Variants in LGMN observed in about 807,000 individuals in gnomAD.
LGMN encodes the protein legumain.
In LGMN, 36 loss-of-function variants were observed where a neutral mutation model predicts 56.8. The observed-to-expected ratio is 0.63, with a 90% confidence interval of 0.49 to 0.84. The LOEUF (loss-of-function observed/expected upper bound fraction) is 0.84. Ranked by LOEUF, LGMN falls within the 40% of genes least tolerant of loss-of-function variation. LGMN has a pLI of 0.00. For synonymous variants in LGMN, 199 were observed against 210.1 expected (o/e 0.95, Z 0.46); for missense variants, 446 against 556.1 (o/e 0.80, Z 1.99).
chr14:92,712,106 C>T, intron 8 of LGMN, 151 bp from the exon 9 acceptor site: 5 of 634,178 alleles, frequency 7.9e-6, no homozygotes, highest in South Asian at 1.9e-5. Flanking sequence ...TATACCCAGA[C>T]TTGTGTATTC....
chr14:92,716,156 T>A lies in LGMN; in HGVS notation c.384A>T (p.Gly128=). The A allele has an allele frequency of 6.2e-7, 1 of 1,612,718 alleles. No homozygotes were observed. Among genetic ancestry groups the A allele is most frequent in the South Asian group, 1.1e-5 (1 of 90,988 alleles). Residue 128 remains glycine, a synonymous_variant, in exon 5 of 14, where the codon GGA becomes GGT. Transcript: ENST00000334869. ...ATTACCTCTTCAGGACTTTGCCGGA[T>A]CCTATGCCCTTCACTGCTTCTGCAT... ...RGDAEAVKGI[G]SGKVLKSGPQ...
chr14:92,708,721 G>A (rs1490440781), intron 11 of LGMN, among the ~76,000 whole-genome samples: 1 of 151,956 alleles, frequency 6.6e-6, no homozygotes, highest in Admixed American at 6.6e-5. Context: ...CTGGGGCATG[G>A]TGGCACATGC....
chr14:92,707,162 C>G (rs1388074220), intron 11 of LGMN, among the ~76,000 whole-genome samples: 2 of 151,706 alleles, frequency 1.3e-5, no homozygotes, highest in Admixed American at 6.6e-5. Context: ...GAGGCCGAGG[C>G]AGGAGGATCA....
Position 92,726,985 on chromosome 14 carries a change from G to C in LGMN, c.138+5664C>G, listed in dbSNP as rs190092339. Among the ~76,000 whole-genome samples, 85 of 152,358 alleles carry C rather than the reference G, an allele frequency of 5.6e-4. 1 individual carries two copies. The highest frequency in any genetic ancestry group is 1.9e-3 in the African/African-American group (81 of 41,584). On this transcript the variant is annotated intron_variant, in intron 2 of 13. Coordinates refer to ENST00000334869, the MANE Select transcript of LGMN (RefSeq NM_005606.7). ...CAAGAAAAGATGTGCATCTGATAAA[G>C]AGCAAGCCAAACAGACAAGACACAT...
chr14:92,733,893 A>G (rs1298448160), intron 1 of LGMN: 1 of 152,220 alleles, frequency 6.6e-6, no homozygotes, highest in Non-Finnish European at 1.5e-5. Flanking sequence ...AAAATATGGA[A>G]GACAGACAAA....
intron 1 of LGMN, among the ~76,000 whole-genome samples, chr14:92,737,511 C>T (rs1891359721): frequency 6.6e-6 from 1 of 152,210 alleles, no homozygotes; most frequent in Non-Finnish European, 1.5e-5. Context: ...CAGCAGTCAC[C>T]AGCTCAACCG....
chr14:92,726,343 C>T (rs1043539092), intron 2 of LGMN, among the ~76,000 whole-genome samples: 5 of 152,158 alleles, frequency 3.3e-5, no homozygotes, highest in African/African-American at 4.8e-5. Context: ...CTCTCGCCTC[C>T]GTCACTGCAG....
At chr14:92,717,280 A>T in intron 4 of LGMN, 100 bp downstream of exon 4, 1 of 709,110 alleles carries the variant, frequency 1.4e-6, no homozygotes, top group South Asian at 2.3e-5. Context: ...ACCAGAAGCC[A>T]GTCTAGGGAG....
chr14:92,712,662 G>C (rs2140215630), intron 8 of LGMN, 143 bp downstream of exon 8: 1 of 696,768 alleles, frequency 1.4e-6, no homozygotes, highest in African/African-American at 1.8e-5. Context: ...GAAGCCCAGA[G>C]CTACCTGCAA....
intron 5 of LGMN, among the ~76,000 whole-genome samples, chr14:92,715,016 T>G (rs1889995445): frequency 6.7e-6 from 1 of 149,782 alleles, no homozygotes; most frequent in South Asian, 2.1e-4. Context: ...TTTTTTTTTT[T>G]GAGATGGAGT....
At chr14:92,709,128 A>G (rs1889601816) in intron 11 of LGMN, among the ~76,000 whole-genome samples, 1 of 152,086 alleles carries the variant, frequency 6.6e-6, no homozygotes, top group Admixed American at 6.6e-5. Context: ...AATTTTAGGC[A>G]TGACTATGTT....
chr14:92,740,087 A>G (rs1038278276), intron 1 of LGMN, among the ~76,000 whole-genome samples: 3 of 152,190 alleles, frequency 2.0e-5, no homozygotes, highest in Admixed American at 2.0e-4. Flanking sequence ...CGTCTCTACT[A>G]AAAATACAAA....
At chr14:92,720,317 C>A (rs1354789187) in intron 2 of LGMN, among the ~76,000 whole-genome samples, 1 of 152,158 alleles carries the variant, frequency 6.6e-6, no homozygotes, top group Non-Finnish European at 1.5e-5. Flanking sequence ...ATAAGGAAAA[C>A]GCAGCCTTTG....
chr14:92,713,797 C>CA lies in LGMN; in HGVS notation c.543+25dup, dbSNP rs755303896. 14 of 1,583,692 alleles carry CA rather than the reference C, an allele frequency of 8.8e-6. No individual in the cohort carries two copies. In the African/African-American group the frequency reaches 1.8e-4, roughly 20 times the overall value. The stretch of plus-strand genomic sequence containing the variant: ...GCTTTCCTCACACCCCCCGCCCCCA[C>CA]AAGGCTGCCCCAAGGGCTGAATTAC... On this transcript the variant is annotated intron_variant, in intron 7 of 13. Transcript: ENST00000334869.
At chr14:92,726,901 C>A (rs564438612) in intron 2 of LGMN, among the ~76,000 whole-genome samples, 6 of 152,326 alleles carry the variant, frequency 3.9e-5, no homozygotes, top group African/African-American at 1.4e-4. Context: ...CTGACTTGAA[C>A]ATGAGCACGT....
chr14:92,717,327 C>A, intron 4 of LGMN, 53 bp downstream of exon 4: 1 of 1,094,564 alleles, frequency 9.1e-7, no homozygotes, highest in Non-Finnish European at 1.3e-6. Context: ...AGGGAAAAAT[C>A]ATCACTAAAA....
chr14:92,711,286 A>G (rs1889753876), intron 10 of LGMN, among the ~76,000 whole-genome samples: 1 of 152,172 alleles, frequency 6.6e-6, no homozygotes, highest in East Asian at 1.9e-4. Context: ...ACAATCTACA[A>G]ACCGTAAAGC....
At chr14:92,713,946 A>G in intron 6 of LGMN, 61 bp from the exon 7 acceptor site, 1 of 1,259,288 alleles carries the variant, frequency 7.9e-7, no homozygotes, top group Non-Finnish European at 1.2e-6. Context: ...TGGATAAGCC[A>G]CTAGTAAAGT....
chr14:92,716,267 C>A, intron 4 of LGMN, 46 bp from the exon 5 acceptor site: 1 of 1,413,768 alleles, frequency 7.1e-7, no homozygotes, highest in Non-Finnish European at 1.0e-6. Context: ...GTCGCTCCAA[C>A]CCAGAGAGTT....
Sources: allele counts gnomAD v4.1 joint callset (sites outside exome capture counted in the v4.1 genomes callset), GRCh38; gene constraint gnomAD v4.1.1; transcripts MANE v1.5; gene names NCBI Gene and HGNC (gene_info 2026-07-23, HGNC 2026-07-21).